The following RBFOX1 variants were observed in gnomAD, a reference collection of about 807,000 sequenced individuals.
RBFOX1 encodes RNA binding fox-1 homolog 1.
RBFOX1 carries 8 observed loss-of-function variants against 57.7 expected under a neutral mutation model. The observed-to-expected ratio is 0.14, with a 90% CI of 0.08 to 0.25. The LOEUF (loss-of-function observed/expected upper bound fraction) is 0.25. Among genes scored for constraint, RBFOX1 ranks in the 10% least tolerant of loss-of-function variants. RBFOX1 has a pLI of 1.00. For synonymous variants in RBFOX1, 326 were observed against 222.4 expected, an observed-to-expected ratio of 1.47 and a Z score of -4.15; for missense variants, 611 against 548.5, an observed-to-expected ratio of 1.11 and a Z score of -1.14.
At chr16:6,596,418 T>G (rs971345891) in intron 2 of RBFOX1, among the ~76,000 whole-genome samples, 2 of 152,162 alleles carry the variant, frequency 1.3e-5, no homozygotes, top group Non-Finnish European at 2.9e-5. Flanking sequence ...GACCCTAGGG[T>G]GCGTCACTGC....
chr16:5,384,102 G>A (rs919852495), intron 1 of RBFOX1, among the ~76,000 whole-genome samples: 1 of 152,200 alleles, frequency 6.6e-6, no homozygotes, highest in African/African-American at 2.4e-5. Flanking sequence ...TCCGTCAGGA[G>A]TCTTGGGGTT....
chr16:5,331,907 G>A (rs2064767793), intron 1 of RBFOX1, among the ~76,000 whole-genome samples: 1 of 152,216 alleles, frequency 6.6e-6, no homozygotes, highest in South Asian at 2.1e-4. Context: ...CCATCTAAAA[G>A]CCTCTTGACC....
chr16:5,884,956 A>G (rs2057860817), intron 4 of RBFOX1, among the ~76,000 whole-genome samples: 1 of 152,142 alleles, frequency 6.6e-6, no homozygotes, highest in Admixed American at 6.5e-5. Flanking sequence ...TGCTGTAGGG[A>G]TACCTAATGT....
At chr16:6,381,038 G>T (rs2091757431) in intron 2 of RBFOX1, among the ~76,000 whole-genome samples, 1 of 152,120 alleles carries the variant, frequency 6.6e-6, no homozygotes, top group Non-Finnish European at 1.5e-5. Flanking sequence ...TATTTTAGGG[G>T]GCAGGTCAGA....
intron 6 of RBFOX1, among the ~76,000 whole-genome samples, chr16:7,580,998 A>G (rs1342706913): frequency 6.6e-6 from 1 of 151,254 alleles, no homozygotes; most frequent in Non-Finnish European, 1.5e-5. Flanking sequence ...TTCCTAGCCA[A>G]GTTGGTGGTG....
At chr16:7,221,375 A>ATTTT (rs1350380838) in intron 4 of RBFOX1, among the ~76,000 whole-genome samples, 29 of 150,514 alleles carry the variant, frequency 1.9e-4, no homozygotes, top group South Asian at 8.5e-4. Context: ...TTTTTTATTT[A>ATTTT]TTTATTTATG....
intron 2 of RBFOX1, among the ~76,000 whole-genome samples, chr16:5,497,748 C>A (rs1295086497): frequency 6.6e-6 from 1 of 152,082 alleles, no homozygotes; most frequent in Non-Finnish European, 1.5e-5. Context: ...TGCTCCACAG[C>A]ACTCCAGCCT....
In RBFOX1 at chr16:5,757,555, C is replaced by T. The variant is rs117954102; in HGVS notation, c.319-109748C>T. Among the ~76,000 whole-genome samples the T allele has an allele frequency of 6.8e-4, 104 of 152,142 alleles. 2 individuals are homozygous for T. The East Asian group carries it at 0.02, about 29-fold the overall frequency. Reference sequence around the variant, plus strand: ...GGGTGGGAAGCTTTTAATAGGCCAGCCTAGAAGAACACATCATTTCAACTG... The same window carrying T: ...GGGTGGGAAGCTTTTAATAGGCCAGTCTAGAAGAACACATCATTTCAACTG... On this transcript the variant is annotated intron_variant, in intron 3 of 19. Transcript: ENST00000641259.
At chr16:5,500,230 C>CCGTTG (rs1269641374) in intron 2 of RBFOX1, among the ~76,000 whole-genome samples, 3 of 146,974 alleles carry the variant, frequency 2.0e-5, no homozygotes, top group African/African-American at 7.5e-5. Context: ...CCGTTCCGTT[C>CCGTTG]CATTCCATTC....
At chr16:6,077,202 C>T (rs1007687195) in intron 1 of RBFOX1, among the ~76,000 whole-genome samples, 1 of 152,150 alleles carries the variant, frequency 6.6e-6, no homozygotes, top group African/African-American at 2.4e-5. Flanking sequence ...TGCATTTCAG[C>T]CCCTGCCACG....
chr16:7,091,183 C>T (rs1410199690), intron 4 of RBFOX1, among the ~76,000 whole-genome samples: 2 of 152,092 alleles, frequency 1.3e-5, no homozygotes, highest in African/African-American at 4.8e-5. Flanking sequence ...ATTATTTTTA[C>T]TCACATTTTC....
At chr16:5,485,686 G>C (rs946004001) in intron 2 of RBFOX1, among the ~76,000 whole-genome samples, 1 of 152,174 alleles carries the variant, frequency 6.6e-6, no homozygotes, top group Admixed American at 6.5e-5. Flanking sequence ...GAGTCTAAAG[G>C]CCAGATTTTT....
intron 1 of RBFOX1, among the ~76,000 whole-genome samples, chr16:6,045,521 T>C (rs1234203117): frequency 6.6e-6 from 1 of 152,238 alleles, no homozygotes; most frequent in Non-Finnish European, 1.5e-5. Context: ...ATTCATTCAT[T>C]CATTTGTTCA....
chr16:6,803,451 C>T (rs1223381212), intron 3 of RBFOX1, among the ~76,000 whole-genome samples: 3 of 152,156 alleles, frequency 2.0e-5, no homozygotes, highest in Non-Finnish European at 4.4e-5. Context: ...GAAAAACAAA[C>T]ATTTGTTATT....
intron 3 of RBFOX1, among the ~76,000 whole-genome samples, chr16:6,734,892 A>G (rs1324168437): frequency 2.0e-5 from 3 of 152,228 alleles, no homozygotes; most frequent in African/African-American, 7.2e-5. Flanking sequence ...AGTAAAGGTT[A>G]TCAGAATGTA....
chr16:5,599,102 G>C lies in RBFOX1; in HGVS notation c.459G>C (p.Glu153Asp), dbSNP rs759381263. The change falls in exon 3 of 3, where the codon GAG becomes GAC. Residue 153 changes from glutamate (E) to aspartate (D), a missense_variant. Transcript: ENST00000585867. ...TTGCTGGAGAATTAACTGGGTTTGA[G>C]GGGAATAAATTTTCCAGAGCACTTG... The C allele has an allele frequency of 2.5e-5, 21 of 851,258 alleles. No homozygotes were observed. In the South Asian group the frequency reaches 2.6e-4, roughly 10 times the overall value. 52.7% of individuals were successfully genotyped at this position (851,258 alleles called of 1,614,324 possible).
intron 3 of RBFOX1, among the ~76,000 whole-genome samples, chr16:6,925,238 A>G (rs369811992): frequency 1.5e-4 from 22 of 143,008 alleles, no homozygotes; most frequent in East Asian, 1.3e-3. Context: ...GGCTCAAGCA[A>G]TTGTCGTACC....
At chr16:6,407,044 A>G (rs1399266265) in intron 2 of RBFOX1, among the ~76,000 whole-genome samples, 3 of 152,184 alleles carry the variant, frequency 2.0e-5, no homozygotes, top group Non-Finnish European at 4.4e-5. Context: ...AAAATGATGC[A>G]TTATTTCACA....
chr16:7,031,892 C>G (rs1024311156), intron 3 of RBFOX1, among the ~76,000 whole-genome samples: 3 of 152,188 alleles, frequency 2.0e-5, no homozygotes, highest in Non-Finnish European at 4.4e-5. Context: ...TAACTGATCT[C>G]TCCCTGATCA....
Sources: allele counts gnomAD v4.1 joint callset (sites outside exome capture counted in the v4.1 genomes callset), GRCh38; gene constraint gnomAD v4.1.1; transcripts MANE v1.5; gene names NCBI Gene and HGNC (gene_info 2026-07-23, HGNC 2026-07-21).